Variants in RAB28 observed in about 807,000 individuals in gnomAD.
The protein encoded by RAB28 is ras-related protein Rab-28.
A neutral mutation model predicts 31.7 loss-of-function variants in RAB28; 24 were observed. That is an observed-to-expected ratio of 0.76 (90% CI 0.55 to 1.06). RAB28 has a LOEUF of 1.06. RAB28 is among the 50% of genes least tolerant of loss of function. The probability of loss-of-function intolerance (pLI) is 0.00; values close to 1 mark genes in which losing one functional copy is unlikely to be tolerated. For missense variants in RAB28, 254 were observed against 258.5 expected, an observed-to-expected ratio of 0.98 and a Z score of 0.12; for synonymous variants, 100 against 90.4, an observed-to-expected ratio of 1.11 and a Z score of -0.60.
rs142251092 is a variant in RAB28 at position 13,426,434 on chromosome 4, C to G, written c.391+34265G>C. ...AAAAATAGATGCTTTCAAAAGACCT[C>G]AAAGCATGCTATATCCATGTCTACA... On this transcript the variant is annotated intron_variant, in intron 4 of 6. Transcript: ENST00000330852. Among the ~76,000 whole-genome samples the G allele has an allele frequency of 3.9e-3, 590 of 152,220 alleles. 3 individuals carry two copies. Among genetic ancestry groups the G allele is most frequent in the Non-Finnish European group, 5.5e-3 (374 of 67,976 alleles).
intron 4 of RAB28, among the ~76,000 whole-genome samples, chr4:13,451,577 A>T (rs959854091): frequency 6.6e-6 from 1 of 151,552 alleles, no homozygotes; most frequent in Non-Finnish European, 1.5e-5. Context: ...GAAGTTTTTA[A>T]ATTTGCAATA....
chr4:13,438,195 A>G (rs1053092257), intron 4 of RAB28, among the ~76,000 whole-genome samples: 5 of 152,224 alleles, frequency 3.3e-5, no homozygotes, highest in African/African-American at 1.2e-4. Flanking sequence ...GAATCAAAAC[A>G]CTTTATATCA....
rs144257380 is a variant in RAB28 at position 13,368,307 on chromosome 4, C to T, written c.*251G>A. On this transcript the variant is annotated 3_prime_UTR_variant, in exon 7 of 7. Coordinates refer to ENST00000330852, the MANE Select transcript of RAB28 (RefSeq NM_001017979.3). ...ACAAAGAAACAACATCATTCTTTTG[C>T]AATGAAGCAGTCTAATTCCAGGGAA... 0.017 allele frequency: 19,433 copies of T among 1,128,450 alleles called. 190 individuals carry two copies. The highest frequency in any genetic ancestry group is 0.019 in the Non-Finnish European group (17,654 of 922,468). The allele number at this position is 1,128,450 out of a possible 1,614,324, so 69.9% of individuals were successfully genotyped here.
intron 4 of RAB28, among the ~76,000 whole-genome samples, chr4:13,385,533 A>C (rs1729330868): frequency 6.6e-6 from 1 of 152,174 alleles, no homozygotes. Flanking sequence ...AGAAGGGTTA[A>C]TATTCAATGT....
chr4:13,456,442 A>G (rs1258094890), intron 4 of RAB28, among the ~76,000 whole-genome samples: 1 of 152,236 alleles, frequency 6.6e-6, no homozygotes, highest in Non-Finnish European at 1.5e-5. Context: ...CCACAAGCAC[A>G]GTGCTTTTCA....
intron 4 of RAB28, among the ~76,000 whole-genome samples, chr4:13,451,621 T>C (rs1333289755): frequency 1.3e-5 from 2 of 151,876 alleles, no homozygotes; most frequent in Non-Finnish European, 2.9e-5. Context: ...TTGTTGCCTA[T>C]GTTTGTGAGG....
At chr4:13,436,280 C>G (rs1714102138) in intron 4 of RAB28, among the ~76,000 whole-genome samples, 1 of 152,080 alleles carries the variant, frequency 6.6e-6, no homozygotes, top group South Asian at 2.1e-4. Flanking sequence ...GAAGCAATCC[C>G]CGTAAGAACT....
intron 4 of RAB28, among the ~76,000 whole-genome samples, chr4:13,415,326 T>C (rs569171929): frequency 6.6e-6 from 1 of 152,348 alleles, no homozygotes; most frequent in Admixed American, 6.5e-5. Flanking sequence ...TGCCCGCCGC[T>C]GGGCTGTTGG....
chr4:13,382,121 G>T (rs1729157851), intron 4 of RAB28, among the ~76,000 whole-genome samples: 1 of 152,122 alleles, frequency 6.6e-6, no homozygotes, highest in Non-Finnish European at 1.5e-5. Context: ...TTAATTTATA[G>T]CCATACTTTA....
At chr4:13,482,546 G>A (rs1716654823) in intron 1 of RAB28, among the ~76,000 whole-genome samples, 1 of 152,094 alleles carries the variant, frequency 6.6e-6, no homozygotes, top group Non-Finnish European at 1.5e-5. Flanking sequence ...TCTAAATGAT[G>A]AGAAAACTAT....
intron 3 of RAB28, among the ~76,000 whole-genome samples, chr4:13,471,283 A>G (rs1716107635): frequency 6.6e-6 from 1 of 152,076 alleles, no homozygotes; most frequent in Non-Finnish European, 1.5e-5. Context: ...TATTGAGCTT[A>G]TTAAAATGCT....
At chr4:13,387,668 A>G (rs765069444) in intron 4 of RAB28, among the ~76,000 whole-genome samples, 5 of 152,070 alleles carry the variant, frequency 3.3e-5, no homozygotes, top group Non-Finnish European at 5.9e-5. Flanking sequence ...TTCTCCTTCA[A>G]CAATGAAATC....
At chr4:13,477,992 G>C (rs1028118759) in intron 2 of RAB28, among the ~76,000 whole-genome samples, 48 of 151,476 alleles carry the variant, frequency 3.2e-4, no homozygotes, top group African/African-American at 1.1e-3. Context: ...AATGAGACAA[G>C]AAGTTGGTGG....
chr4:13,469,966 C>T (rs574215265), intron 3 of RAB28, among the ~76,000 whole-genome samples: 18 of 152,164 alleles, frequency 1.2e-4, no homozygotes, highest in Non-Finnish European at 1.5e-4. Context: ...ACTGGGATTA[C>T]AGGAATGACC....
At chr4:13,474,046 T>C (rs1716237494) in intron 3 of RAB28, 2 of 541,898 alleles carry the variant, frequency 3.7e-6, no homozygotes, top group Non-Finnish European at 7.0e-6. Context: ...CATTTATCAC[T>C]GCATTTATTG....
intron 4 of RAB28, among the ~76,000 whole-genome samples, chr4:13,416,239 C>G (rs1258010621): frequency 6.6e-6 from 1 of 152,182 alleles, no homozygotes; most frequent in Non-Finnish European, 1.5e-5. Flanking sequence ...ATAAATCTTG[C>G]TGCTGCTCAC....
intron 6 of RAB28, among the ~76,000 whole-genome samples, chr4:13,368,927 T>C (rs1478748219): frequency 6.6e-6 from 1 of 151,892 alleles, no homozygotes; most frequent in Non-Finnish European, 1.5e-5. Flanking sequence ...GACAAATCAA[T>C]AATGAAAAAT....
At chr4:13,395,343 G>A (rs1226791078) in intron 4 of RAB28, among the ~76,000 whole-genome samples, 2 of 152,046 alleles carry the variant, frequency 1.3e-5, no homozygotes, top group Non-Finnish European at 2.9e-5. Context: ...AAAAGAACTT[G>A]CAGCTGTACA....
intron 4 of RAB28, among the ~76,000 whole-genome samples, chr4:13,414,748 GTTTAA>G (rs748567401): frequency 2.9e-4 from 44 of 152,072 alleles, no homozygotes; most frequent in Non-Finnish European, 6.2e-4. Flanking sequence ...GACAAAAAAA[GTTTAA>G]TTTAGGAATT....
Sources: gnomAD v4.1 joint callset for allele counts (sites outside exome capture counted in the v4.1 genomes callset) on GRCh38, gnomAD v4.1.1 for gene constraint, MANE v1.5 for transcripts, NCBI Gene and HGNC (gene_info 2026-07-23, HGNC 2026-07-21) for gene names.